EHF: variants seen among roughly 807,000 people sequenced by gnomAD.
EHF encodes ESE3 transcription factor.
EHF carries 14 observed loss-of-function variants against 45.1 expected under a neutral mutation model. The observed-to-expected ratio is 0.31, with a 90% CI of 0.21 to 0.49. EHF has a LOEUF of 0.49. Among genes scored for constraint, EHF ranks in the 20% least tolerant of loss-of-function variants. EHF has a pLI of 0.99. For missense variants in EHF, 282 were observed against 371.4 expected (o/e 0.76, Z 1.98); for synonymous variants, 136 against 131.8 (o/e 1.03, Z -0.22).
At chr11:34,648,934 A>G in intron 3 of EHF, 85 bp from the exon 4 acceptor site, 2 of 1,318,048 alleles carry the variant, frequency 1.5e-6, no homozygotes, top group Non-Finnish European at 1.1e-6. Context: ...GAAGCTCTGC[A>G]AAGATGCCAG....
At chr11:34,631,700 T>C (rs1852904876) in intron 1 of EHF, 1 of 416,908 alleles carries the variant, frequency 2.4e-6, no homozygotes, top group South Asian at 9.7e-5. Flanking sequence ...CAAATTATGC[T>C]TTTTGCCCAG....
chr11:34,654,587 T>C lies in EHF; in HGVS notation c.545-2321T>C, dbSNP rs544475019. Among the ~76,000 whole-genome samples the C allele has an allele frequency of 2.0e-5, 3 of 152,308 alleles. 1 individual carries two copies. In the South Asian group the frequency reaches 6.2e-4, roughly 32 times the overall value. ...AGAACGTTCCTAGCTGGGTGGAGCC[T>C]AGCTTGGGTAAACGGCTGACAACTC... On this transcript the variant is annotated intron_variant, in intron 6 of 8. Transcript: ENST00000257831.
At chr11:34,653,742 C>T (rs1289281142) in intron 6 of EHF, among the ~76,000 whole-genome samples, 1 of 152,180 alleles carries the variant, frequency 6.6e-6, no homozygotes, top group Non-Finnish European at 1.5e-5. Flanking sequence ...GGAAGCAGAA[C>T]CCCGGAAAAA....
rs763594222 is a variant in EHF, at chr11:34,646,697, T to C, written c.343+13T>C. The C allele has an allele frequency of 1.1e-5, 18 of 1,605,650 alleles. No homozygotes were observed. The highest frequency in any genetic ancestry group is 1.6e-4 in the Middle Eastern group (1 of 6,082). On this transcript the variant is annotated intron_variant, in intron 3 of 8. Transcript: ENST00000257831. ...CTGAAGTGGAACGGTGACTCTCTCT[T>C]TCTGTGTCTCTCCCTACCCTGCTAG...
At position 34,621,169 on chromosome 11, in the gene EHF, G is replaced by C. The variant is rs1183785001; in HGVS notation, c.-63G>C. 1 of 152,218 alleles carries C rather than the reference G, an allele frequency of 6.6e-6. No homozygotes were observed. Among genetic ancestry groups the C allele is most frequent in the African/African-American group, 2.4e-5 (1 of 41,446 alleles). The allele number at this position is 152,218 out of a possible 1,614,324, so 9.4% of individuals were successfully genotyped here. A position where few individuals can be genotyped will look rare whatever the true frequency, so the allele number is the denominator to read the frequency against. On this transcript the variant is annotated 5_prime_UTR_variant, in exon 1 of 9. Transcript: ENST00000257831. Reference sequence around the variant, plus strand: ...GGAGCTGGTGAGATTGCAGCCTGCTGCCTCCCCTCCAACAGCCACAGCTAT... The same window carrying C: ...GGAGCTGGTGAGATTGCAGCCTGCTCCCTCCCCTCCAACAGCCACAGCTAT...
intron 6 of EHF, among the ~76,000 whole-genome samples, chr11:34,656,311 A>C (rs761396429): frequency 2.0e-5 from 3 of 152,108 alleles, no homozygotes; most frequent in Non-Finnish European, 4.4e-5. Flanking sequence ...ATTAAAATGT[A>C]ACTTTGCATG....
chr11:34,624,357 G>T, intron 1 of EHF: 1 of 980,482 alleles, frequency 1.0e-6, no homozygotes, highest in Non-Finnish European at 1.2e-6. Flanking sequence ...TCTGAAGACA[G>T]AGGCAGGAGG....
intron 1 of EHF, among the ~76,000 whole-genome samples, chr11:34,636,540 G>T (rs1382233391): frequency 6.6e-6 from 1 of 152,206 alleles, no homozygotes; most frequent in African/African-American, 2.4e-5. Context: ...TTATGCTGGG[G>T]ACTTTACAAA....
intron 1 of EHF, among the ~76,000 whole-genome samples, chr11:34,641,331 A>G (rs540613536): frequency 7.0e-4 from 107 of 152,312 alleles, no homozygotes; most frequent in Middle Eastern, 3.4e-3. Context: ...TGCCCAGCCC[A>G]TTATTGGGCT....
chr11:34,638,384 G>A (rs1383634926), intron 1 of EHF, among the ~76,000 whole-genome samples: 1 of 152,166 alleles, frequency 6.6e-6, no homozygotes, highest in Admixed American at 6.5e-5. Context: ...TTACTCTATA[G>A]GTACCAGGCA....
At chr11:34,627,235 C>T (rs1473054959) in intron 1 of EHF, among the ~76,000 whole-genome samples, 1 of 151,776 alleles carries the variant, frequency 6.6e-6, no homozygotes. Flanking sequence ...ATGCATGAAC[C>T]ATATTAAGGG....
At chr11:34,644,651 G>C (rs569827756) in intron 2 of EHF, among the ~76,000 whole-genome samples, 7 of 152,346 alleles carry the variant, frequency 4.6e-5, no homozygotes, top group Admixed American at 2.0e-4. Flanking sequence ...GATTCTGAAT[G>C]AATGAGGAAG....
chr11:34,658,200 T>G (rs1387501441), intron 7 of EHF, among the ~76,000 whole-genome samples: 1 of 152,152 alleles, frequency 6.6e-6, no homozygotes, highest in Admixed American at 6.5e-5. Context: ...AATTTGTGGA[T>G]AATAACTAGA....
chr11:34,630,644 G>A lies in EHF; in HGVS notation c.-4+9416G>A, dbSNP rs77105247. Among the ~76,000 whole-genome samples, 1,498 of 150,164 alleles carry A rather than the reference G, an allele frequency of 1.0e-2. 20 individuals carry two copies. Among genetic ancestry groups the A allele is most frequent in the Non-Finnish European group, 0.013 (867 of 67,682 alleles). On this transcript the variant is annotated intron_variant, in intron 1 of 8. Transcript: ENST00000257831. Reference sequence around the variant, plus strand: ...CTGGCTCCAATCCCCACCCCTTACCGTCCTCCACCCTTCCTACATTCCTGC... The same window carrying A: ...CTGGCTCCAATCCCCACCCCTTACCATCCTCCACCCTTCCTACATTCCTGC...
In EHF at chr11:34,659,124, G is replaced by A; in HGVS notation, c.*193G>A. The A allele has an allele frequency of 2.0e-6, 1 of 496,562 alleles. No individual in the cohort carries two copies. The highest frequency in any genetic ancestry group is 3.5e-6 in the Non-Finnish European group (1 of 283,922). The allele number at this position is 496,562 out of a possible 1,614,324, so 30.8% of individuals were successfully genotyped here. On this transcript the variant is annotated 3_prime_UTR_variant, in exon 9 of 9. Transcript: ENST00000257831. The stretch of plus-strand genomic sequence containing the variant: ...AAATTATTTTGTTACTTCGAAGTAT[G>A]TCCTATATGGGGAAAAAACGTACAC...
At chr11:34,656,163 G>A (rs985819514) in intron 6 of EHF, among the ~76,000 whole-genome samples, 5 of 151,856 alleles carry the variant, frequency 3.3e-5, no homozygotes, top group African/African-American at 7.3e-5. Context: ...TCCCAGGTCC[G>A]CCTCCATCAT....
At chr11:34,656,438 A>G (rs1051764373) in intron 6 of EHF, among the ~76,000 whole-genome samples, 3 of 152,112 alleles carry the variant, frequency 2.0e-5, no homozygotes, top group East Asian at 3.8e-4. Context: ...AAATCTTTCA[A>G]TGGCTTCCAT....
chr11:34,623,909 A>G (rs1428394998), intron 1 of EHF, among the ~76,000 whole-genome samples: 3 of 152,186 alleles, frequency 2.0e-5, no homozygotes, highest in Non-Finnish European at 4.4e-5. Flanking sequence ...AGAAGCTTGT[A>G]CAAATTATTG....
At chr11:34,642,233 G>A (rs1482386166) in intron 1 of EHF, 2 of 173,144 alleles carry the variant, frequency 1.2e-5, no homozygotes, top group African/African-American at 4.9e-5. Context: ...GATTTTCATT[G>A]TTTGAAATTG....
Sources: gnomAD v4.1 joint callset for allele counts (sites outside exome capture counted in the v4.1 genomes callset) on GRCh38, gnomAD v4.1.1 for gene constraint, MANE v1.5 for transcripts, NCBI Gene and HGNC (gene_info 2026-07-23, HGNC 2026-07-21) for gene names.